Variants in TENM3 observed in about 807,000 individuals in gnomAD.
TENM3 encodes teneurin-3.
Under a neutral mutation model 255.1 loss-of-function variants are expected in TENM3, and 63 were observed. That is an observed-to-expected ratio of 0.25 (90% CI 0.20 to 0.30). TENM3 has a LOEUF of 0.30. Ranked by LOEUF, TENM3 falls within the 10% of genes least tolerant of loss-of-function variation. The pLI, the probability that TENM3 is intolerant of heterozygous loss-of-function variation, is 1.00. For synonymous variants in TENM3, 1,306 were observed against 1,322.3 expected, an observed-to-expected ratio of 0.99 and a Z score of 0.27; for missense variants, 2,929 against 3,461.1, an observed-to-expected ratio of 0.85 and a Z score of 3.86.
At chr4:182,091,370 G>A in the TENM3 span, among the ~76,000 whole-genome samples, 1 of 152,244 alleles carries the variant, frequency 6.6e-6, no homozygotes, top group Non-Finnish European at 1.5e-5. Context: ...AGGGGATGCT[G>A]AGGTGACGTA....
chr4:181,738,374 T>C, the TENM3 span, among the ~76,000 whole-genome samples: 1 of 152,202 alleles, frequency 6.6e-6, no homozygotes, highest in Admixed American at 6.5e-5. Context: ...CTTTCCTTGC[T>C]TTCTGAATCA....
At chr4:182,599,926 T>G (rs915995177) in intron 3 of TENM3, among the ~76,000 whole-genome samples, 6 of 152,198 alleles carry the variant, frequency 3.9e-5, no homozygotes, top group African/African-American at 1.4e-4. Context: ...TAAAATGTAG[T>G]CTTCGTAAAT....
chr4:182,057,435 G>T, the TENM3 span, among the ~76,000 whole-genome samples: 1 of 133,194 alleles, frequency 7.5e-6, no homozygotes, highest in African/African-American at 2.8e-5. Flanking sequence ...AAGAGACAAA[G>T]TCTCTTGCTC....
At chr4:182,619,963 G>A (rs905811771) in intron 4 of TENM3, among the ~76,000 whole-genome samples, 2 of 152,332 alleles carry the variant, frequency 1.3e-5, no homozygotes, top group Admixed American at 6.5e-5. Flanking sequence ...ATTCTCACAG[G>A]TTCACTTTTT....
chr4:181,740,418 C>T, the TENM3 span, among the ~76,000 whole-genome samples: 1 of 151,796 alleles, frequency 6.6e-6, no homozygotes, highest in Non-Finnish European at 1.5e-5. Context: ...GTTATTCAGA[C>T]AAAATATAAA....
At position 182,628,795 on chromosome 4, in the gene TENM3, C is replaced by G; in HGVS notation, c.894C>G (p.Phe298Leu). ...RNTLSRSAFK[F>L]KKSSKYCSWK... ...CCCTATCAAGAAGTGCTTTTAAATT[C>G]AAGAAGTCTTCAAAGTACTGTAGCT... The change falls in exon 5 of 28, where the codon TTC (phenylalanine) becomes TTG (leucine). Residue 298 changes from phenylalanine to leucine, a missense_variant. By Grantham distance (22) the Phe-to-Leu change is conservative. Transcript: ENST00000511685. The G allele has an allele frequency of 6.2e-7, 1 of 1,611,028 alleles. No homozygotes were observed. Among genetic ancestry groups the G allele is most frequent in the Non-Finnish European group, 8.5e-7 (1 of 1,178,644 alleles).
the TENM3 span, among the ~76,000 whole-genome samples, chr4:181,793,009 A>G: frequency 6.6e-6 from 1 of 152,172 alleles, no homozygotes; most frequent in Admixed American, 6.6e-5. Flanking sequence ...TCCACATTAA[A>G]AAAATAAATT....
chr4:181,696,457 G>A, the TENM3 span, among the ~76,000 whole-genome samples: 6 of 152,076 alleles, frequency 3.9e-5, no homozygotes, highest in Non-Finnish European at 2.9e-5. Context: ...TGCCCTCTAA[G>A]CCCATCAATA....
chr4:181,932,196 C>T, the TENM3 span, among the ~76,000 whole-genome samples: 2 of 152,162 alleles, frequency 1.3e-5, no homozygotes, highest in African/African-American at 4.8e-5. Flanking sequence ...AGAGCTTCTG[C>T]ACAGCAAAAG....
chr4:181,912,869 G>A, the TENM3 span, among the ~76,000 whole-genome samples: 1 of 152,048 alleles, frequency 6.6e-6, no homozygotes, highest in African/African-American at 2.4e-5. Flanking sequence ...GAGAAAGGTG[G>A]TACTATTGGG....
At chr4:182,073,383 C>A in the TENM3 span, among the ~76,000 whole-genome samples, 1 of 152,130 alleles carries the variant, frequency 6.6e-6, no homozygotes, top group Admixed American at 6.5e-5. Context: ...GGGGACACAG[C>A]CAAACCATAT....
the TENM3 span, among the ~76,000 whole-genome samples, chr4:181,983,205 G>A: frequency 6.6e-6 from 1 of 152,092 alleles, no homozygotes; most frequent in Non-Finnish European, 1.5e-5. Flanking sequence ...CACCTGCGTA[G>A]GTATTAATTT....
At chr4:181,786,591 T>C in the TENM3 span, among the ~76,000 whole-genome samples, 10 of 152,060 alleles carry the variant, frequency 6.6e-5, no homozygotes, top group African/African-American at 2.2e-4. Flanking sequence ...AGAGGCAAAG[T>C]CTGTGTGGGC....
intron 3 of TENM3, among the ~76,000 whole-genome samples, chr4:182,595,127 A>G (rs1352429717): frequency 6.6e-6 from 1 of 152,186 alleles, no homozygotes; most frequent in Admixed American, 6.5e-5. Flanking sequence ...AATTTATGCA[A>G]GAAAATATCC....
the TENM3 span, among the ~76,000 whole-genome samples, chr4:181,530,979 C>T: frequency 1.3e-5 from 2 of 151,930 alleles, no homozygotes; most frequent in African/African-American, 4.8e-5. Context: ...AATGTCAGCC[C>T]TAATTGTTTG....
chr4:182,686,849 C>G (rs2152573088), intron 11 of TENM3, among the ~76,000 whole-genome samples: 1 of 152,200 alleles, frequency 6.6e-6, no homozygotes, highest in African/African-American at 2.4e-5. Flanking sequence ...ACTTCTGGAG[C>G]TGGGTTGATG....
the TENM3 span, among the ~76,000 whole-genome samples, chr4:181,560,793 G>A: frequency 1.6e-4 from 25 of 152,134 alleles, no homozygotes; most frequent in East Asian, 2.5e-3. Context: ...CCAGCACCCC[G>A]CCTGCTTTGT....
chr4:181,470,478 C>T, the TENM3 span, among the ~76,000 whole-genome samples: 102,813 of 151,992 alleles, frequency 0.68, 35,374 homozygotes, highest in Non-Finnish European at 0.74. Context: ...ATGTACCCTG[C>T]AAGGTTGCTT....
the TENM3 span, among the ~76,000 whole-genome samples, chr4:182,101,104 G>GGA: frequency 1.5e-3 from 18 of 11,678 alleles, no homozygotes; most frequent in Non-Finnish European, 3.0e-3. Flanking sequence ...GGGAGGGAGG[G>GGA]AGGAAGGAAA....
Sources: gnomAD v4.1 joint callset for allele counts (sites outside exome capture counted in the v4.1 genomes callset) on GRCh38, gnomAD v4.1.1 for gene constraint, MANE v1.5 for transcripts, NCBI Gene and HGNC (gene_info 2026-07-23, HGNC 2026-07-21) for gene names.